The following LIN52 variants were observed in gnomAD, a reference collection of about 807,000 sequenced individuals.
The protein encoded by LIN52 is protein lin-52 homolog.
In LIN52, 4 loss-of-function variants were observed where a neutral mutation model predicts 18.5. The observed-to-expected ratio is 0.22, with a 90% CI of 0.11 to 0.49. The LOEUF is 0.49. Among genes scored for constraint, LIN52 ranks in the 20% least tolerant of loss-of-function variants. The pLI is 0.97. For synonymous variants in LIN52, 34 were observed against 45.5 expected (o/e 0.75, Z 1.02); for missense variants, 102 against 139.5 (o/e 0.73, Z 1.35).
At chr14:74,095,159 T>G (rs903206425) in intron 2 of LIN52, among the ~76,000 whole-genome samples, 1 of 149,040 alleles carries the variant, frequency 6.7e-6, no homozygotes, top group Non-Finnish European at 1.5e-5. Context: ...GTTTTTTTTT[T>G]TTTTTTTTTT....
intron 5 of LIN52, among the ~76,000 whole-genome samples, chr14:74,192,186 T>C (rs2078881396): frequency 9.3e-6 from 1 of 107,958 alleles, no homozygotes; most frequent in Admixed American, 9.7e-5. Flanking sequence ...TGGTACCTCC[T>C]GTAAAGCAGC....
intron 2 of LIN52, among the ~76,000 whole-genome samples, chr14:74,094,372 A>G (rs1172513846): frequency 2.0e-5 from 3 of 151,568 alleles, no homozygotes; most frequent in African/African-American, 7.3e-5. Context: ...TGATCCTCTC[A>G]CTTCAGCCTC....
At position 74,170,397 on chromosome 14, in the gene LIN52, G is replaced by A. The variant is rs2061265268; in HGVS notation, c.284-28525G>A. ...TTGTATATCTTCTATAGGTTCTTAA[G>A]CATAATTATTAATGGGCATTTGTGT... is the stretch of plus-strand genomic sequence containing the variant. On this transcript the variant is annotated intron_variant, in intron 5 of 5. Transcript: ENST00000555028. Among the ~76,000 whole-genome samples, 4 of 151,908 alleles carry A rather than the reference G, an allele frequency of 2.6e-5. No individual in the cohort carries two copies. The South Asian group carries it at 8.3e-4, about 31-fold the overall frequency.
chr14:74,142,844 T>C (rs1271152951), intron 5 of LIN52, among the ~76,000 whole-genome samples: 2 of 145,386 alleles, frequency 1.4e-5, no homozygotes, highest in African/African-American at 5.0e-5. Context: ...TTCATACTTA[T>C]GTTATGTTAG....
chr14:74,091,259 GT>G lies in LIN52; in HGVS notation c.51del (p.Phe17LeufsTer41). 1.2e-6 allele frequency: 2 copies of G among 1,611,786 alleles called. No homozygotes were observed. Among genetic ancestry groups the G allele is most frequent in the Non-Finnish European group, 1.7e-6 (2 of 1,178,148 alleles). On this transcript the variant is annotated frameshift_variant, in exon 2 of 6. Transcript: ENST00000555028. LOFTEE classifies it high-confidence loss of function. ...ACAGATCTGGAAGCATCTTTGCTAAGTTTTGAAAAACTTGACCGTGCCTCAC... is the reference window on the plus strand; with the variant it reads ...ACAGATCTGGAAGCATCTTTGCTAAGTTTGAAAAACTTGACCGTGCCTCAC... ...DGTDLEASLL[S>X]FEKLDRASPD... is the part of the protein sequence containing the mutation.
intron 5 of LIN52, among the ~76,000 whole-genome samples, chr14:74,156,932 T>G (rs1424028889): frequency 6.6e-6 from 1 of 152,230 alleles, no homozygotes; most frequent in Non-Finnish European, 1.5e-5. Context: ...GCATTTAACT[T>G]AATGTCCTCT....
intron 5 of LIN52, among the ~76,000 whole-genome samples, chr14:74,124,196 C>T (rs978952748): frequency 6.6e-6 from 1 of 151,610 alleles, no homozygotes; most frequent in African/African-American, 2.4e-5. Context: ...ATTCTATATC[C>T]AAGACAAACA....
chr14:74,153,929 A>G (rs564632717), intron 5 of LIN52, among the ~76,000 whole-genome samples: 1 of 152,172 alleles, frequency 6.6e-6, no homozygotes, highest in Non-Finnish European at 1.5e-5. Flanking sequence ...TAGTTTGTAA[A>G]TTGTCACTAG....
Position 74,096,054 on chromosome 14 carries a change from G to A in LIN52, c.132+69G>A, listed in dbSNP as rs2060809886. The A allele has an allele frequency of 1.3e-5, 14 of 1,047,756 alleles. No individual in the cohort carries two copies. In the Admixed American group the frequency reaches 3.1e-4, roughly 24 times the overall value. 64.9% of individuals were successfully genotyped at this position (1,047,756 alleles called of 1,614,324 possible). On this transcript the variant is annotated intron_variant, in intron 3 of 5. Transcript: ENST00000555028. ...CTCCTGAGTAAAAGCTCAGATCTCT[G>A]TTCTTTATTTTATTTTATTTTATTT...
intron 5 of LIN52, among the ~76,000 whole-genome samples, chr14:74,179,434 C>T (rs150662267): frequency 9.3e-4 from 142 of 152,082 alleles, no homozygotes; most frequent in Non-Finnish European, 5.9e-4. Flanking sequence ...CCTAGGCAGG[C>T]GGATCATTTG....
intron 5 of LIN52, among the ~76,000 whole-genome samples, chr14:74,111,857 CTTG>C (rs1335380077): frequency 4.0e-5 from 6 of 151,000 alleles, no homozygotes; most frequent in South Asian, 2.1e-4. Flanking sequence ...TATGTAAAAA[CTTG>C]TTGTGATTTT....
At chr14:74,104,189 G>A (rs1437214044) in intron 5 of LIN52, among the ~76,000 whole-genome samples, 2 of 152,020 alleles carry the variant, frequency 1.3e-5, no homozygotes, top group Admixed American at 6.6e-5. Context: ...GAGCCACTGC[G>A]CCCAGCTGGC....
intron 5 of LIN52, among the ~76,000 whole-genome samples, chr14:74,182,303 C>T (rs1193531831): frequency 6.6e-6 from 1 of 152,156 alleles, no homozygotes; most frequent in Non-Finnish European, 1.5e-5. Flanking sequence ...TGAGCTACTG[C>T]GCCTGACCTT....
chr14:74,127,478 C>T (rs1566855735), intron 5 of LIN52, among the ~76,000 whole-genome samples: 1 of 152,066 alleles, frequency 6.6e-6, no homozygotes, highest in Non-Finnish European at 1.5e-5. Flanking sequence ...CAGGTTGGCT[C>T]ATGTGAGATT....
chr14:74,106,212 T>C (rs2060896313), intron 5 of LIN52, among the ~76,000 whole-genome samples: 1 of 152,192 alleles, frequency 6.6e-6, no homozygotes, highest in South Asian at 2.1e-4. Flanking sequence ...AGTCACCTTC[T>C]AGCTGGTCCC....
At chr14:74,185,305 A>ATTTTT (rs1595190900) in intron 5 of LIN52, among the ~76,000 whole-genome samples, 7 of 75,260 alleles carry the variant, frequency 9.3e-5, no homozygotes, top group African/African-American at 3.0e-4. Flanking sequence ...TTTTATAATG[A>ATTTTT]TTTCTTTTTT....
At chr14:74,165,503 G>GTTTTC (rs1295739386) in intron 5 of LIN52, among the ~76,000 whole-genome samples, 60 of 97,994 alleles carry the variant, frequency 6.1e-4, no homozygotes, top group African/African-American at 1.1e-3. Flanking sequence ...AGAATTACAG[G>GTTTTC]TTTTCTTTTC....
intron 5 of LIN52, among the ~76,000 whole-genome samples, chr14:74,147,334 A>C (rs2061156391): frequency 6.6e-6 from 1 of 152,204 alleles, no homozygotes; most frequent in African/African-American, 2.4e-5. Flanking sequence ...ATAAAAAATT[A>C]ACTCAAAATG....
chr14:74,128,522 A>AC (rs1457641087), intron 5 of LIN52, among the ~76,000 whole-genome samples: 2 of 152,186 alleles, frequency 1.3e-5, no homozygotes, highest in Non-Finnish European at 2.9e-5. Context: ...TTCACAGGAC[A>AC]CCAGGGAGGA....
Sources: gnomAD v4.1 joint callset for allele counts (sites outside exome capture counted in the v4.1 genomes callset) on GRCh38, gnomAD v4.1.1 for gene constraint, MANE v1.5 for transcripts, NCBI Gene and HGNC (gene_info 2026-07-23, HGNC 2026-07-21) for gene names.